Variants in TRAPPC11 observed in about 807,000 individuals in gnomAD.
TRAPPC11 encodes foie gras homolog.
A neutral mutation model predicts 151.2 loss-of-function variants in TRAPPC11; 104 were observed. That is an observed-to-expected ratio of 0.69 (90% confidence interval 0.59 to 0.81). The LOEUF is 0.81. Ranked by LOEUF, TRAPPC11 falls within the 30% of genes least tolerant of loss-of-function variation. TRAPPC11 has a pLI of 0.00. For synonymous variants in TRAPPC11, 456 were observed against 472.3 expected (o/e 0.97, Z 0.45); for missense variants, 1,230 against 1,349.6 (o/e 0.91, Z 1.39).
intron 17 of TRAPPC11, 69 bp downstream of exon 17, chr4:183,685,472 G>C: frequency 3.3e-6 from 5 of 1,492,626 alleles, no homozygotes; most frequent in Non-Finnish European, 4.6e-6. Flanking sequence ...AATAGGTGCA[G>C]AATAATAAAT....
chr4:183,670,796 T>A (rs1238487143), intron 5 of TRAPPC11, among the ~76,000 whole-genome samples: 2 of 151,958 alleles, frequency 1.3e-5, no homozygotes, highest in African/African-American at 4.8e-5. Context: ...GGTTTTTGGT[T>A]TTTTTTTGAG....
chr4:183,683,919 A>G lies in TRAPPC11; in HGVS notation c.1208-56A>G, dbSNP rs545816719. ...AGGAGTGTACACATACAACGTTCAT[A>G]TGAAGATTTATATTAAATGAGCTGT... On this transcript the variant is annotated intron_variant, in intron 11 of 29. Transcript: ENST00000334690. 87 of 1,371,478 alleles carry G rather than the reference A, an allele frequency of 6.3e-5. 1 individual carries two copies. The South Asian group carries it at 8.2e-4, about 13-fold the overall frequency. The allele number at this position is 1,371,478 out of a possible 1,614,324, so 85.0% of individuals were successfully genotyped here.
chr4:183,710,686 C>T (rs1737299016), intron 29 of TRAPPC11, among the ~76,000 whole-genome samples: 1 of 151,996 alleles, frequency 6.6e-6, no homozygotes, highest in South Asian at 2.1e-4. Flanking sequence ...CAAAAATGTT[C>T]ACCGGACTCC....
At chr4:183,660,857 G>GTGCC (rs1278108642) in intron 1 of TRAPPC11, among the ~76,000 whole-genome samples, 6 of 152,130 alleles carry the variant, frequency 3.9e-5, no homozygotes, top group African/African-American at 1.4e-4. Context: ...GGGACTATAG[G>GTGCC]CACGCATCAC....
intron 26 of TRAPPC11, among the ~76,000 whole-genome samples, chr4:183,702,043 A>G (rs983009843): frequency 6.6e-6 from 1 of 152,186 alleles, no homozygotes; most frequent in Admixed American, 6.5e-5. Context: ...CAAAGGGTGT[A>G]TGTATAAGAA....
chr4:183,691,394 T>G lies in TRAPPC11; in HGVS notation c.1972T>G (p.Cys658Gly), dbSNP rs1215126741. ...AGAAAATCTGACTCAAGGAAAGATG[T>G]GCCTAGTTCCTGGCAAAACAAGAAA... ...VLENLTQGKM[C>G]LVPGKTRKLL... Residue 658 changes from cysteine to glycine, a missense_variant, in exon 19 of 30, where the codon TGC becomes GGC. Cys to Gly is a radical substitution (Grantham distance 159, BLOSUM62 -3). Transcript: ENST00000334690. The G allele has an allele frequency of 6.4e-7, 1 of 1,561,350 alleles. No homozygotes were observed.
intron 29 of TRAPPC11, among the ~76,000 whole-genome samples, chr4:183,711,872 T>G (rs1237953594): frequency 2.6e-5 from 4 of 152,252 alleles, no homozygotes; most frequent in African/African-American, 7.2e-5. Context: ...TTGTAAGAAT[T>G]GTATTCTTTT....
At chr4:183,663,107 C>A (rs114418345) in intron 1 of TRAPPC11, among the ~76,000 whole-genome samples, 3,639 of 152,062 alleles carry the variant, frequency 0.024, 55 homozygotes, top group East Asian at 0.081. Flanking sequence ...CACTCTGTCA[C>A]CCAGATTGGA....
chr4:183,694,987 C>T lies in TRAPPC11; in HGVS notation c.2628+264C>T, dbSNP rs7692601. ...TTTTGAGGCGGAGTTTTGCCCTTGT[C>T]GCCCAGGCTGGAGTGCAGTGGCACG... On this transcript the variant is annotated intron_variant, in intron 23 of 29. Transcript: ENST00000334690. Among the ~76,000 whole-genome samples the T allele has an allele frequency of 0.014, 1,800 of 130,982 alleles. 32 individuals carry two copies. The highest frequency in any genetic ancestry group is 0.05 in the African/African-American group (1,723 of 34,416). The allele number at this position is 130,982 out of a possible 152,430, so 85.9% of individuals were successfully genotyped here. A position where few individuals can be genotyped will look rare whatever the true frequency, so the allele number is the denominator to read the frequency against.
chr4:183,683,206 C>A (rs1579188061), intron 11 of TRAPPC11, among the ~76,000 whole-genome samples: 1 of 151,414 alleles, frequency 6.6e-6, no homozygotes. Flanking sequence ...TTAAATGACA[C>A]ATGCCACTGT....
rs1734981355 is a variant in TRAPPC11, at chr4:183,668,267, T to C, written c.560+150T>C. On this transcript the variant is annotated intron_variant, in intron 5 of 29. Coordinates refer to ENST00000334690, the MANE Select transcript of TRAPPC11 (RefSeq NM_021942.6). Reference sequence around the variant, plus strand: ...TATGGGGTAAAAATAAAAGTCTTTTTTGTTAAATTCTTAACCCTCTCCAAT... The same window carrying C: ...TATGGGGTAAAAATAAAAGTCTTTTCTGTTAAATTCTTAACCCTCTCCAAT... 8.0e-6 allele frequency: 4 copies of C among 497,686 alleles called. No homozygotes were observed. The Admixed American group carries it at 1.6e-4, about 20-fold the overall frequency. The allele number at this position is 497,686 out of a possible 1,614,324, so 30.8% of individuals were successfully genotyped here. A position where few individuals can be genotyped will look rare whatever the true frequency, so the allele number is the denominator to read the frequency against.
intron 3 of TRAPPC11, among the ~76,000 whole-genome samples, chr4:183,666,708 C>T (rs887354596): frequency 3.3e-5 from 5 of 152,298 alleles, no homozygotes; most frequent in South Asian, 2.1e-4. Flanking sequence ...TCTCTTAAAA[C>T]GCTTTGCTTT....
At chr4:183,666,081 A>G in intron 2 of TRAPPC11, 176 bp from the exon 3 acceptor site, 1 of 509,988 alleles carries the variant, frequency 2.0e-6, no homozygotes, top group Non-Finnish European at 3.4e-6. Flanking sequence ...TCCAGGGTTG[A>G]GATTCCACCT....
chr4:183,687,299 GTATA>G (rs10588362), intron 18 of TRAPPC11, among the ~76,000 whole-genome samples: 8 of 110,964 alleles, frequency 7.2e-5, no homozygotes, highest in Admixed American at 2.6e-4. Flanking sequence ...GTGTGTGTGT[GTATA>G]TATATATATA....
intron 29 of TRAPPC11, among the ~76,000 whole-genome samples, chr4:183,710,089 T>C (rs889471969): frequency 2.0e-5 from 3 of 152,204 alleles, no homozygotes; most frequent in Non-Finnish European, 4.4e-5. Context: ...CAGAAATAGC[T>C]TGTTTGAAAT....
Position 183,667,096 on chromosome 4 carries a change from G to C in TRAPPC11, c.411G>C (p.Val137=). The change falls in exon 4 of 30, where the codon GTG becomes GTC. Residue 137 remains valine (V), a synonymous_variant. Transcript: ENST00000334690. ...SLQGRNTKVA[V]VLIQKKTPLP... The stretch of plus-strand genomic sequence containing the variant: ...AAGGAAGAAACACAAAAGTTGCAGT[G>C]GTTCTGATTCAGAAGAAAACCCCTT... 3 of 1,604,510 alleles carry C rather than the reference G, an allele frequency of 1.9e-6. No homozygotes were observed. Among genetic ancestry groups the C allele is most frequent in the Non-Finnish European group, 2.6e-6 (3 of 1,173,772 alleles).
rs1203325292 is a variant in TRAPPC11, at chr4:183,686,731, G to A, written c.1876G>A (p.Val626Ile). The change falls in exon 18 of 30, where the codon GTC (valine) becomes ATC (isoleucine). Residue 626 changes from valine (V) to isoleucine (I), a missense_variant. By Grantham distance (29) the Val-to-Ile change is conservative. Coordinates refer to ENST00000334690, the MANE Select transcript of TRAPPC11 (RefSeq NM_021942.6). ...TCCCATTAGGTTTTCCAAGCTCTGTGTCAGCTTTAATAATCAGGTAATGAT... is the reference window on the plus strand; with the variant it reads ...TCCCATTAGGTTTTCCAAGCTCTGTATCAGCTTTAATAATCAGGTAATGAT... ...PHPIRFSKLC[V>I]SFNNQEYNQF... 1.9e-6 allele frequency: 3 copies of A among 1,613,982 alleles called. No homozygotes were observed. The highest frequency in any genetic ancestry group is 2.5e-6 in the Non-Finnish European group (3 of 1,179,966).
chr4:183,665,457 C>G (rs1734832587), intron 2 of TRAPPC11, among the ~76,000 whole-genome samples: 1 of 152,188 alleles, frequency 6.6e-6, no homozygotes, highest in South Asian at 2.1e-4. Flanking sequence ...AGCACAAGCC[C>G]TCTTTTCTCT....
At chr4:183,687,142 C>T (rs1458137813) in intron 18 of TRAPPC11, among the ~76,000 whole-genome samples, 1 of 152,106 alleles carries the variant, frequency 6.6e-6, no homozygotes. Context: ...GATCGTGCCA[C>T]TGCACTCCAG....
Sources: allele counts gnomAD v4.1 joint callset (sites outside exome capture counted in the v4.1 genomes callset), GRCh38; gene constraint gnomAD v4.1.1; transcripts MANE v1.5; gene names NCBI Gene and HGNC (gene_info 2026-07-23, HGNC 2026-07-21).